FBXL4: variants seen among roughly 807,000 people sequenced by gnomAD.
The protein encoded by FBXL4 is F-box/LRR-repeat protein 4.
In FBXL4, 40 loss-of-function variants were observed where a neutral mutation model predicts 58.9. The observed-to-expected ratio is 0.68, with a 90% CI of 0.53 to 0.88. The LOEUF (loss-of-function observed/expected upper bound fraction) is 0.88. FBXL4 is among the 40% of genes least tolerant of loss of function. The probability of loss-of-function intolerance (pLI) is 0.00; values close to 1 mark genes in which losing one functional copy is unlikely to be tolerated. For synonymous variants in FBXL4, 263 were observed against 265.5 expected (o/e 0.99, Z 0.09); for missense variants, 676 against 734.4 (o/e 0.92, Z 0.92).
chr6:98,880,749 TAC>T (rs1190032754), intron 7 of FBXL4, 125 bp from the exon 8 acceptor site: 4 of 757,578 alleles, frequency 5.3e-6, no homozygotes, highest in South Asian at 3.1e-5. Flanking sequence ...AAAGCTAGGT[TAC>T]AGAGTCCACA....
chr6:98,887,474 A>C (rs1441666739), intron 7 of FBXL4, among the ~76,000 whole-genome samples: 1 of 152,200 alleles, frequency 6.6e-6, no homozygotes, highest in Non-Finnish European at 1.5e-5. Flanking sequence ...ATGTCTAGAA[A>C]ACATTTGTGA....
At chr6:98,936,267 A>C (rs187177201) in intron 1 of FBXL4, among the ~76,000 whole-genome samples, 28 of 152,352 alleles carry the variant, frequency 1.8e-4, no homozygotes, top group African/African-American at 5.8e-4. Context: ...AAATCAAGAT[A>C]CAGAATATTA....
chr6:98,899,527 T>C (rs1442681165), intron 6 of FBXL4, 46 bp from the exon 7 acceptor site: 2 of 1,573,134 alleles, frequency 1.3e-6, no homozygotes, highest in East Asian at 2.3e-5. Flanking sequence ...CTAAAAGATA[T>C]TTTTGCAAGA....
Position 98,869,952 on chromosome 6 carries a change from G to A in FBXL4, c.*4326C>T, listed in dbSNP as rs1036862032. 4.6e-5 allele frequency: 7 copies of A among 151,988 alleles called. No individual in the cohort carries two copies. The highest frequency in any genetic ancestry group is 2.1e-4 in the South Asian group (1 of 4,798). The allele number at this position is 151,988 out of a possible 1,614,324, so 9.4% of individuals were successfully genotyped here. Reference sequence around the variant, plus strand: ...AGGGATATCTTTATTTCTAGACTCTGGGAAGATAATTTACCTGAGCAAAAT... The same window carrying A: ...AGGGATATCTTTATTTCTAGACTCTAGGAAGATAATTTACCTGAGCAAAAT... On this transcript the variant is annotated 3_prime_UTR_variant, in exon 10 of 10. Transcript: ENST00000369244.
chr6:98,944,925 C>G (rs543239035), intron 1 of FBXL4, among the ~76,000 whole-genome samples: 1 of 152,120 alleles, frequency 6.6e-6, no homozygotes, highest in East Asian at 1.9e-4. Flanking sequence ...TCCTGTTGTG[C>G]TTTGTCTCTG....
chr6:98,894,299 A>C (rs564470601), intron 7 of FBXL4, among the ~76,000 whole-genome samples: 1 of 152,312 alleles, frequency 6.6e-6, no homozygotes, highest in Non-Finnish European at 1.5e-5. Flanking sequence ...AAAAGACTGA[A>C]CTTAAGTCCT....
intron 1 of FBXL4, among the ~76,000 whole-genome samples, chr6:98,939,966 T>C (rs896174345): frequency 5.9e-5 from 9 of 152,236 alleles, no homozygotes; most frequent in African/African-American, 2.2e-4. Context: ...ATTATTACAG[T>C]AGTACAGTAT....
In FBXL4 at chr6:98,873,549, C is replaced by T. The variant is rs1304769523; in HGVS notation, c.*729G>A. The T allele has an allele frequency of 6.6e-6, 1 of 151,666 alleles. No homozygotes were observed. The highest frequency in any genetic ancestry group is 2.4e-5 in the African/African-American group (1 of 41,286). The allele number at this position is 151,666 out of a possible 1,614,324, so 9.4% of individuals were successfully genotyped here. ...TGGCATTATCCAGTAGTGAAATAGA[C>T]AAAAATATCAGAAGAAAAGTGGAAA... On this transcript the variant is annotated 3_prime_UTR_variant, in exon 10 of 10. Transcript: ENST00000369244.
intron 7 of FBXL4, among the ~76,000 whole-genome samples, chr6:98,897,728 G>T (rs1771457273): frequency 6.6e-6 from 1 of 152,156 alleles, no homozygotes; most frequent in Non-Finnish European, 1.5e-5. Flanking sequence ...CATGGCAGAA[G>T]ATCAAAGGGG....
intron 1 of FBXL4, among the ~76,000 whole-genome samples, chr6:98,941,843 C>T (rs1001630945): frequency 6.6e-5 from 10 of 151,860 alleles, no homozygotes; most frequent in African/African-American, 2.4e-4. Context: ...AAGTTAAAGC[C>T]AAAATTAGGA....
chr6:98,913,693 C>T (rs1380521241), intron 5 of FBXL4, among the ~76,000 whole-genome samples: 1 of 152,102 alleles, frequency 6.6e-6, no homozygotes, highest in Non-Finnish European at 1.5e-5. Context: ...TATAGCACTA[C>T]ATGCCCACAA....
At chr6:98,915,868 T>A (rs1772322296) in intron 5 of FBXL4, among the ~76,000 whole-genome samples, 1 of 150,994 alleles carries the variant, frequency 6.6e-6, no homozygotes, top group Admixed American at 6.6e-5. Context: ...GAAACTACCA[T>A]CAGAGTGAAC....
Position 98,926,974 on chromosome 6 carries a change from A to T in FBXL4, c.15T>A (p.Phe5Leu), listed in dbSNP as rs765129401. The T allele has an allele frequency of 8.1e-6, 13 of 1,613,806 alleles. No homozygotes were observed. The highest frequency in any genetic ancestry group is 9.3e-6 in the Non-Finnish European group (11 of 1,179,790). Residue 5 changes from phenylalanine to leucine, a missense_variant, in exon 4 of 10, where the codon TTT becomes TTA. Coordinates refer to ENST00000369244, the MANE Select transcript of FBXL4 (RefSeq NM_001278716.2). Reference protein sequence around the residue: MSPVFPMLTVLTMFY... With the variant: MSPVLPMLTVLTMFY... ...ACATGGTCAGAACTGTTAACATGGG[A>T]AAGACCGGTGACATCTAGATGTGAA...
intron 7 of FBXL4, among the ~76,000 whole-genome samples, chr6:98,896,535 C>G (rs1342190526): frequency 6.6e-6 from 1 of 152,126 alleles, no homozygotes; most frequent in Non-Finnish European, 1.5e-5. Context: ...TAAACACTGC[C>G]TGGGTAAGAT....
intron 6 of FBXL4, among the ~76,000 whole-genome samples, chr6:98,903,999 A>C (rs1771708458): frequency 6.6e-6 from 1 of 152,168 alleles, no homozygotes; most frequent in Non-Finnish European, 1.5e-5. Flanking sequence ...ACGTTTAATA[A>C]ATTCTTAATA....
In FBXL4 at chr6:98,905,569, G is replaced by A; in HGVS notation, c.960C>T (p.Tyr320=). 6.2e-7 allele frequency: 1 copy of A among 1,614,016 alleles called. No homozygotes were observed. The highest frequency in any genetic ancestry group is 8.5e-7 in the Non-Finnish European group (1 of 1,179,956). ...AGTATGGTTGCAGATTGAGGTGGAT[G>A]TATTGCAGAGGATCACAGCAATGCT... The part of the protein sequence containing the change: ...LSQHCCDPLQ[Y]IHLNLQPYWA... The change falls in exon 6 of 10, where the codon TAC becomes TAT. Residue 320 remains tyrosine (Y), a synonymous_variant. Transcript: ENST00000369244.
chr6:98,901,465 C>A (rs923764393), intron 6 of FBXL4, among the ~76,000 whole-genome samples: 2 of 152,024 alleles, frequency 1.3e-5, no homozygotes, highest in Non-Finnish European at 2.9e-5. Flanking sequence ...TACCAGAAAG[C>A]AAACTGTTAG....
At chr6:98,891,802 G>A (rs1172497382) in intron 7 of FBXL4, among the ~76,000 whole-genome samples, 3 of 152,084 alleles carry the variant, frequency 2.0e-5, no homozygotes, top group Admixed American at 6.6e-5. Flanking sequence ...GCTTTCCTCA[G>A]GACATGCCAA....
intron 9 of FBXL4, among the ~76,000 whole-genome samples, chr6:98,875,019 G>C (rs990443269): frequency 6.6e-6 from 1 of 151,992 alleles, no homozygotes; most frequent in African/African-American, 2.4e-5. Flanking sequence ...AAGATTTCAC[G>C]ATATTCCTTA....
Sources: gnomAD v4.1 joint callset for allele counts (sites outside exome capture counted in the v4.1 genomes callset) on GRCh38, gnomAD v4.1.1 for gene constraint, MANE v1.5 for transcripts, NCBI Gene and HGNC (gene_info 2026-07-23, HGNC 2026-07-21) for gene names.